Variants in MARCHF1 observed in about 807,000 individuals in gnomAD.
MARCHF1 encodes E3 ubiquitin-protein ligase MARCHF1.
A neutral mutation model predicts 54.2 loss-of-function variants in MARCHF1; 40 were observed. The observed-to-expected ratio is 0.74, with a 90% CI of 0.57 to 0.96. The LOEUF is 0.96. Among genes scored for constraint, MARCHF1 ranks in the 40% least tolerant of loss-of-function variants. The pLI is 0.00. For synonymous variants in MARCHF1, 236 were observed against 236.3 expected (o/e 1.00, Z 0.01); for missense variants, 586 against 656.5 (o/e 0.89, Z 1.17).
intron 8 of MARCHF1, among the ~76,000 whole-genome samples, chr4:163,582,476 G>C (rs967728640): frequency 3.0e-4 from 45 of 152,142 alleles, no homozygotes; most frequent in African/African-American, 1.1e-3. Flanking sequence ...GATATCTTTA[G>C]AAACTAACCA....
At chr4:164,129,819 T>C (rs749498482) in intron 1 of MARCHF1, among the ~76,000 whole-genome samples, 1 of 152,034 alleles carries the variant, frequency 6.6e-6, no homozygotes, top group Non-Finnish European at 1.5e-5. Context: ...TAAGGAAGAA[T>C]AGCTAATGGA....
intron 1 of MARCHF1, among the ~76,000 whole-genome samples, chr4:164,201,282 C>T (rs984332333): frequency 6.6e-6 from 1 of 151,994 alleles, no homozygotes; most frequent in Non-Finnish European, 1.5e-5. Context: ...TGCAATGGTG[C>T]GATCTCGGCT....
At chr4:163,788,149 A>C (rs1747672995) in intron 4 of MARCHF1, among the ~76,000 whole-genome samples, 1 of 151,968 alleles carries the variant, frequency 6.6e-6, no homozygotes, top group Admixed American at 6.6e-5. Flanking sequence ...GCTGCACAAC[A>C]AAGTAGATAT....
intron 9 of MARCHF1, among the ~76,000 whole-genome samples, chr4:163,531,645 C>G (rs189356201): frequency 2.0e-4 from 30 of 151,824 alleles, no homozygotes; most frequent in Admixed American, 3.9e-4. Context: ...ATAAATAAAA[C>G]TATCTTTGTT....
At chr4:164,033,147 C>G (rs934544801) in intron 2 of MARCHF1, among the ~76,000 whole-genome samples, 1 of 150,074 alleles carries the variant, frequency 6.7e-6, no homozygotes, top group East Asian at 2.0e-4. Flanking sequence ...GCACTCCAGC[C>G]TGGATGACAG....
At chr4:164,055,217 G>T (rs1052057738) in intron 2 of MARCHF1, 1 of 152,220 alleles carries the variant, frequency 6.6e-6, no homozygotes, top group African/African-American at 2.4e-5. Flanking sequence ...ACTGAGGTAG[G>T]TGGATCGCTT....
intron 1 of MARCHF1, among the ~76,000 whole-genome samples, chr4:164,212,718 G>A (rs1404956611): frequency 6.6e-6 from 1 of 152,082 alleles, no homozygotes; most frequent in Non-Finnish European, 1.5e-5. Context: ...CATGGGTTCG[G>A]TATCCCTTGA....
At chr4:163,821,933 C>T (rs1041760450) in intron 4 of MARCHF1, among the ~76,000 whole-genome samples, 5 of 151,844 alleles carry the variant, frequency 3.3e-5, no homozygotes, top group Admixed American at 2.0e-4. Flanking sequence ...GTAAGTTTTC[C>T]TCTGTAACGT....
At chr4:163,809,669 T>C (rs1298044265) in intron 4 of MARCHF1, among the ~76,000 whole-genome samples, 1 of 152,178 alleles carries the variant, frequency 6.6e-6, no homozygotes, top group Non-Finnish European at 1.5e-5. Flanking sequence ...TTGTCTACTT[T>C]CCTTTTTTAT....
chr4:164,268,763 TCA>T (rs1268212759), intron 1 of MARCHF1, among the ~76,000 whole-genome samples: 2 of 152,150 alleles, frequency 1.3e-5, no homozygotes, highest in African/African-American at 4.8e-5. Flanking sequence ...AAAAAAAGAA[TCA>T]CACATTGATC....
chr4:163,863,309 C>T (rs769825137), intron 3 of MARCHF1, among the ~76,000 whole-genome samples: 1 of 152,046 alleles, frequency 6.6e-6, no homozygotes, highest in South Asian at 2.1e-4. Context: ...GAAAGGAGTG[C>T]AGTCTGAAAG....
At chr4:164,259,050 G>A (rs1404904941) in intron 1 of MARCHF1, among the ~76,000 whole-genome samples, 2 of 152,090 alleles carry the variant, frequency 1.3e-5, no homozygotes, top group Admixed American at 6.6e-5. Flanking sequence ...TAGGCATGAT[G>A]TTTATGATAT....
At chr4:164,120,931 A>G (rs1337636868) in intron 1 of MARCHF1, among the ~76,000 whole-genome samples, 1 of 152,078 alleles carries the variant, frequency 6.6e-6, no homozygotes, top group African/African-American at 2.4e-5. Context: ...ACTAGAAAAC[A>G]AGAGCAAACC....
chr4:164,285,547 A>G (rs188529534), intron 1 of MARCHF1, among the ~76,000 whole-genome samples: 175 of 152,004 alleles, frequency 1.2e-3, no homozygotes, highest in African/African-American at 4.0e-3. Flanking sequence ...AGTTCACGCC[A>G]TTTTCCTGCC....
chr4:164,005,539 T>G (rs947887056), intron 2 of MARCHF1, among the ~76,000 whole-genome samples: 3 of 152,112 alleles, frequency 2.0e-5, no homozygotes, highest in Non-Finnish European at 4.4e-5. Flanking sequence ...CCCCAACTTA[T>G]GGTTTCTATA....
At chr4:164,005,796 G>A (rs1337241886) in intron 2 of MARCHF1, among the ~76,000 whole-genome samples, 1 of 152,120 alleles carries the variant, frequency 6.6e-6, no homozygotes, top group Non-Finnish European at 1.5e-5. Flanking sequence ...CCACATTGTA[G>A]GAGTTCCATT....
Position 164,002,446 on chromosome 4 carries a change from T to C in MARCHF1, c.-247-13737A>G, listed in dbSNP as rs375491175. On this transcript the variant is annotated intron_variant, in intron 2 of 9. Coordinates refer to ENST00000514618, the MANE Select transcript of MARCHF1 (RefSeq NM_001394959.1). ...TTGAAATAAAAATTCACTATGTAAA[T>C]GTAAAATCAAATTAGATGTTACAGA... Among the ~76,000 whole-genome samples the C allele has an allele frequency of 7.9e-5, 12 of 151,750 alleles. No individual in the cohort carries two copies. The East Asian group carries it at 1.7e-3, about 22-fold the overall frequency.
chr4:163,903,497 TC>T (rs1203000800), intron 3 of MARCHF1, among the ~76,000 whole-genome samples: 1 of 152,222 alleles, frequency 6.6e-6, no homozygotes, highest in East Asian at 1.9e-4. Flanking sequence ...ATGTTTTAAA[TC>T]TAAAGCTTCC....
rs75756844 is a variant in MARCHF1, at chr4:163,905,000, C to T, written c.-38-50831G>A. On this transcript the variant is annotated intron_variant, in intron 3 of 9. Coordinates refer to ENST00000514618, the MANE Select transcript of MARCHF1 (RefSeq NM_001394959.1). ...TGTTGTGATTATGCTGCATTACAAC[C>T]TTTTAAAATATTTTATTTAAGATAT... 7.0e-3 allele frequency among the ~76,000 whole-genome samples: 1,071 copies of T among 152,030 alleles called. 13 individuals are homozygous for T. Among genetic ancestry groups the T allele is most frequent in the East Asian group, 0.035 (181 of 5,140 alleles).
Sources: gnomAD v4.1 joint callset for allele counts (sites outside exome capture counted in the v4.1 genomes callset) on GRCh38, gnomAD v4.1.1 for gene constraint, MANE v1.5 for transcripts, NCBI Gene and HGNC (gene_info 2026-07-23, HGNC 2026-07-21) for gene names.